The following PDE1A variants were observed in gnomAD, a reference collection of about 807,000 sequenced individuals.
PDE1A encodes dual specificity calcium/calmodulin-dependent 3',5'-cyclic nucleotide phosphodiesterase 1A.
Under a neutral mutation model 61.7 loss-of-function variants are expected in PDE1A, and 35 were observed. The observed-to-expected ratio is 0.57, with a 90% confidence interval of 0.43 to 0.75. The LOEUF is 0.75. PDE1A is among the 30% of genes least tolerant of loss of function. PDE1A has a pLI of 0.00. For missense variants in PDE1A, 597 were observed against 630.6 expected, an observed-to-expected ratio of 0.95 and a Z score of 0.57; for synonymous variants, 232 against 213.2, an observed-to-expected ratio of 1.09 and a Z score of -0.77.
At chr2:182,605,775 G>A in the PDE1A span, among the ~76,000 whole-genome samples, 1 of 152,174 alleles carries the variant, frequency 6.6e-6, no homozygotes, top group Non-Finnish European at 1.5e-5. Flanking sequence ...CAAATCCAGA[G>A]CTGCTCACCA....
chr2:182,171,401 C>T (rs1692200349), intron 13 of PDE1A, among the ~76,000 whole-genome samples: 1 of 151,824 alleles, frequency 6.6e-6, no homozygotes, highest in African/African-American at 2.4e-5. Flanking sequence ...TTTAGGGAAA[C>T]CATCAGGCTT....
chr2:182,312,339 TA>T (rs1696036599), intron 1 of PDE1A, among the ~76,000 whole-genome samples: 2 of 152,098 alleles, frequency 1.3e-5, no homozygotes, highest in Admixed American at 6.6e-5. Context: ...TTTTGTAGAT[TA>T]TATGTTTTGT....
the PDE1A span, among the ~76,000 whole-genome samples, chr2:182,631,597 A>C: frequency 6.6e-6 from 1 of 152,362 alleles, no homozygotes; most frequent in African/African-American, 2.4e-5. Flanking sequence ...CAGTCAAATT[A>C]ACACATAAAA....
chr2:182,434,688 T>C (rs1439699561), intron 2 of PDE1A, among the ~76,000 whole-genome samples: 5 of 151,882 alleles, frequency 3.3e-5, no homozygotes, highest in African/African-American at 9.7e-5. Flanking sequence ...GCAAAGAGAA[T>C]TGTAAAATTA....
At chr2:182,299,281 G>C (rs1054698430) in intron 1 of PDE1A, among the ~76,000 whole-genome samples, 2 of 151,286 alleles carry the variant, frequency 1.3e-5, no homozygotes, top group African/African-American at 4.9e-5. Flanking sequence ...AAACTCATCT[G>C]GTGATTATTT....
intron 1 of PDE1A, among the ~76,000 whole-genome samples, chr2:182,342,805 T>C (rs1019097078): frequency 6.6e-6 from 1 of 152,252 alleles, no homozygotes; most frequent in African/African-American, 2.4e-5. Context: ...TAATTTCATA[T>C]GGAACTCTTT....
chr2:182,522,233 T>A, intron 2 of PDE1A: 1 of 1,526,500 alleles, frequency 6.6e-7, no homozygotes, highest in Non-Finnish European at 9.1e-7. Flanking sequence ...ACGTTAATAG[T>A]CAAATCTTTT....
chr2:182,543,812 T>C, the PDE1A span, among the ~76,000 whole-genome samples: 4 of 152,186 alleles, frequency 2.6e-5, no homozygotes, highest in Non-Finnish European at 2.9e-5. Flanking sequence ...TGAAATGCTC[T>C]TCTTAATAGG....
At chr2:182,151,254 A>AT (rs1690763691) in intron 13 of PDE1A, among the ~76,000 whole-genome samples, 1 of 151,988 alleles carries the variant, frequency 6.6e-6, no homozygotes. Context: ...CACCCAGCTA[A>AT]TTTTTTTGTT....
chr2:182,265,783 C>T (rs1158006285), intron 1 of PDE1A, among the ~76,000 whole-genome samples: 2 of 152,152 alleles, frequency 1.3e-5, no homozygotes, highest in East Asian at 3.8e-4. Flanking sequence ...ATATTCCTTA[C>T]TCTCTCCATA....
At chr2:182,209,896 GAGA>G (rs1449670751) in intron 7 of PDE1A, among the ~76,000 whole-genome samples, 5 of 152,260 alleles carry the variant, frequency 3.3e-5, no homozygotes, top group East Asian at 3.9e-4. Flanking sequence ...ATAGCAGTGT[GAGA>G]AGAAGATAAT....
At chr2:182,595,530 GATAA>G in the PDE1A span, among the ~76,000 whole-genome samples, 28 of 152,326 alleles carry the variant, frequency 1.8e-4, no homozygotes, top group Admixed American at 7.8e-4. Flanking sequence ...CTGAAAATGA[GATAA>G]TATATGCTTA....
chr2:182,311,606 G>C (rs1334498833), intron 1 of PDE1A, among the ~76,000 whole-genome samples: 10 of 152,110 alleles, frequency 6.6e-5, no homozygotes. Context: ...TTCTTTCCCT[G>C]AGTATAATGC....
At chr2:182,426,806 G>A in exon 1 of PDE1A, 1 of 1,437,986 alleles carries the variant, frequency 7.0e-7, no homozygotes, top group South Asian at 1.5e-5. Flanking sequence ...GCTGAGCAGT[G>A]TGTCCATAGA....
At chr2:182,636,892 G>A in the PDE1A span, among the ~76,000 whole-genome samples, 1 of 152,184 alleles carries the variant, frequency 6.6e-6, no homozygotes, top group South Asian at 2.1e-4. Context: ...CAGGGGGCTG[G>A]TCTTTGCTCC....
At chr2:182,595,279 C>T in the PDE1A span, among the ~76,000 whole-genome samples, 1 of 152,090 alleles carries the variant, frequency 6.6e-6, no homozygotes, top group African/African-American at 2.4e-5. Context: ...ACTATATGAA[C>T]ACATTTCTAG....
chr2:182,432,264 A>G (rs1312758998), intron 2 of PDE1A, among the ~76,000 whole-genome samples: 2 of 152,136 alleles, frequency 1.3e-5, no homozygotes, highest in Non-Finnish European at 2.9e-5. Context: ...ATGTCCAACC[A>G]AGAATAAACT....
At chr2:182,556,950 T>C in the PDE1A span, among the ~76,000 whole-genome samples, 2 of 152,194 alleles carry the variant, frequency 1.3e-5, no homozygotes, top group East Asian at 1.9e-4. Context: ...ATGGTAGAAT[T>C]GATATTTACC....
chr2:182,207,342 C>T (rs1225841267), intron 7 of PDE1A, among the ~76,000 whole-genome samples: 1 of 152,178 alleles, frequency 6.6e-6, no homozygotes, highest in African/African-American at 2.4e-5. Flanking sequence ...GAGTAAAAGT[C>T]ACTCTGGCTA....
Sources: allele counts gnomAD v4.1 joint callset (sites outside exome capture counted in the v4.1 genomes callset), GRCh38; gene constraint gnomAD v4.1.1; transcripts MANE v1.5; gene names NCBI Gene and HGNC (gene_info 2026-07-23, HGNC 2026-07-21).